CDK5RAP2: variants seen among roughly 807,000 people sequenced by gnomAD.
The protein encoded by CDK5RAP2 is CDK5 regulatory subunit-associated protein 2.
Under a neutral mutation model 232.9 loss-of-function variants are expected in CDK5RAP2, and 147 were observed. That is an observed-to-expected ratio of 0.63 (90% confidence interval 0.55 to 0.72). The LOEUF (loss-of-function observed/expected upper bound fraction) is 0.72. Among genes scored for constraint, CDK5RAP2 ranks in the 30% least tolerant of loss-of-function variants. The probability of loss-of-function intolerance (pLI) is 0.00; values close to 1 mark genes in which losing one functional copy is unlikely to be tolerated. For synonymous variants in CDK5RAP2, 833 were observed against 833.7 expected, an observed-to-expected ratio of 1.00 and a Z score of 0.01; for missense variants, 2,195 against 2,231.5, an observed-to-expected ratio of 0.98 and a Z score of 0.33.
intron 28 of CDK5RAP2, among the ~76,000 whole-genome samples, chr9:120,412,520 T>C (rs2033914573): frequency 1.3e-5 from 2 of 152,216 alleles, no homozygotes; most frequent in Non-Finnish European, 2.9e-5. Context: ...ACCTTCTTCT[T>C]TCCCATGCTC....
intron 1 of CDK5RAP2, among the ~76,000 whole-genome samples, chr9:120,576,751 A>G (rs1021026748): frequency 6.6e-6 from 1 of 151,984 alleles, no homozygotes; most frequent in African/African-American, 2.4e-5. Context: ...TGTCACACCC[A>G]AAGGATGGCT....
intron 14 of CDK5RAP2, among the ~76,000 whole-genome samples, chr9:120,479,230 AG>A (rs1473641371): frequency 1.3e-5 from 2 of 152,154 alleles, no homozygotes; most frequent in Admixed American, 1.3e-4. Flanking sequence ...GAAAAAGAGT[AG>A]GTTTTTCTTT....
intron 17 of CDK5RAP2, 134 bp from the exon 18 acceptor site, chr9:120,468,131 T>G: frequency 1.2e-6 from 1 of 815,638 alleles, no homozygotes; most frequent in Non-Finnish European, 2.1e-6. Flanking sequence ...ATTCTAGCCC[T>G]CAGGATACCC....
intron 12 of CDK5RAP2, among the ~76,000 whole-genome samples, chr9:120,505,615 G>C (rs1490850557): frequency 6.6e-6 from 1 of 152,202 alleles, no homozygotes; most frequent in Non-Finnish European, 1.5e-5. Flanking sequence ...GCCAAACTGT[G>C]AATGCAAAGA....
At position 120,580,123 on chromosome 9, in the gene CDK5RAP2, A is replaced by C; in HGVS notation, c.-145T>G. The C allele has an allele frequency of 1.7e-6, 1 of 582,520 alleles. No individual in the cohort carries two copies. The highest frequency in any genetic ancestry group is 3.2e-5 in the Admixed American group (1 of 31,608). The allele number at this position is 582,520 out of a possible 1,614,324, so 36.1% of individuals were successfully genotyped here. A position where few individuals can be genotyped will look rare whatever the true frequency, so the allele number is the denominator to read the frequency against. On this transcript the variant is annotated 5_prime_UTR_variant, in exon 1 of 38. Transcript: ENST00000349780. ...CTCTGGCGGCGCCGCTGGAATTCAA[A>C]CCACAGACGCCGCCATCTTTCCCGG...
At chr9:120,417,498 C>A in intron 27 of CDK5RAP2, among the ~76,000 whole-genome samples, 1 of 152,218 alleles carries the variant, frequency 6.6e-6, no homozygotes, top group East Asian at 1.9e-4. Context: ...ACCTTCCTTG[C>A]TGGTTTATCC....
chr9:120,417,280 C>T (rs2034285045), intron 27 of CDK5RAP2, among the ~76,000 whole-genome samples: 1 of 151,662 alleles, frequency 6.6e-6, no homozygotes, highest in South Asian at 2.1e-4. Context: ...GGCATTGCAC[C>T]TCCACGCTCC....
intron 12 of CDK5RAP2, among the ~76,000 whole-genome samples, chr9:120,498,222 T>C (rs575519164): frequency 3.4e-4 from 52 of 152,314 alleles, no homozygotes; most frequent in African/African-American, 1.1e-3. Context: ...CCAGCCTCCA[T>C]ACTTAGCGAT....
chr9:120,542,374 G>A (rs377652508), intron 5 of CDK5RAP2, among the ~76,000 whole-genome samples: 5 of 152,024 alleles, frequency 3.3e-5, no homozygotes, highest in South Asian at 2.1e-4. Context: ...GGCTTGTGGC[G>A]CATGCCTGTA....
intron 6 of CDK5RAP2, 93 bp from the exon 7 acceptor site, chr9:120,536,619 T>G: frequency 1.6e-6 from 2 of 1,215,274 alleles, no homozygotes; most frequent in Non-Finnish European, 2.4e-6. Context: ...TATTTATGAC[T>G]TCTTCTCCAG....
chr9:120,480,418 C>T (rs905103574), intron 14 of CDK5RAP2, among the ~76,000 whole-genome samples: 3 of 152,132 alleles, frequency 2.0e-5, no homozygotes, highest in African/African-American at 7.2e-5. Flanking sequence ...GTAGTATTAC[C>T]TTGACTTTGT....
chr9:120,536,592 T>C (rs1308513486), intron 6 of CDK5RAP2, 66 bp from the exon 7 acceptor site: 16 of 1,440,174 alleles, frequency 1.1e-5, no homozygotes, highest in East Asian at 2.4e-5. Context: ...TGAAAGGAAA[T>C]TGGATTAAAA....
At chr9:120,534,635 T>C (rs908522560) in intron 7 of CDK5RAP2, among the ~76,000 whole-genome samples, 1 of 152,258 alleles carries the variant, frequency 6.6e-6, no homozygotes, top group African/African-American at 2.4e-5. Flanking sequence ...ATTAACTGAC[T>C]GCTCAGCATC....
At chr9:120,458,679 G>A (rs2036920739) in intron 19 of CDK5RAP2, 57 bp from the exon 20 acceptor site, 1 of 1,510,012 alleles carries the variant, frequency 6.6e-7, no homozygotes, top group Non-Finnish European at 9.2e-7. Context: ...AATGGGGTGT[G>A]TGGAGAGAGG....
chr9:120,457,567 C>G (rs529754001), intron 20 of CDK5RAP2, among the ~76,000 whole-genome samples: 1 of 152,292 alleles, frequency 6.6e-6, no homozygotes, highest in South Asian at 2.1e-4. Context: ...GAGGAGTTAG[C>G]TTTGCTGAGC....
intron 35 of CDK5RAP2, among the ~76,000 whole-genome samples, chr9:120,397,185 T>C (rs908464810): frequency 9.2e-5 from 14 of 152,218 alleles, no homozygotes; most frequent in African/African-American, 3.1e-4. Flanking sequence ...GCTTGTTTTC[T>C]TTTTATGGTG....
At chr9:120,463,576 G>A (rs907289912) in intron 18 of CDK5RAP2, among the ~76,000 whole-genome samples, 7 of 152,152 alleles carry the variant, frequency 4.6e-5, no homozygotes, top group South Asian at 4.1e-4. Flanking sequence ...AAAGAGGCAC[G>A]GAGAAGCTCC....
At chr9:120,392,936 C>T (rs1208281598) in intron 36 of CDK5RAP2, among the ~76,000 whole-genome samples, 1 of 152,210 alleles carries the variant, frequency 6.6e-6, no homozygotes, top group Non-Finnish European at 1.5e-5. Context: ...TGGACCCCGC[C>T]GGTCCCTGCT....
chr9:120,421,109 G>A (rs2034541431), intron 26 of CDK5RAP2, among the ~76,000 whole-genome samples: 1 of 152,158 alleles, frequency 6.6e-6, no homozygotes, highest in Non-Finnish European at 1.5e-5. Context: ...AATAGTGTTT[G>A]GACTTTTAAC....
Sources: allele counts gnomAD v4.1 joint callset (sites outside exome capture counted in the v4.1 genomes callset), GRCh38; gene constraint gnomAD v4.1.1; transcripts MANE v1.5; gene names NCBI Gene and HGNC (gene_info 2026-07-23, HGNC 2026-07-21).